GAB2: variants seen among roughly 807,000 people sequenced by gnomAD.
GAB2 encodes the protein GRB2 associated binding protein 2, also known as GRB2-associated-binding protein 2.
A neutral mutation model predicts 65.5 loss-of-function variants in GAB2; 26 were observed. The ratio of observed to expected loss-of-function variants is 0.40; its 90% CI spans 0.29 to 0.55. GAB2 has a LOEUF of 0.55. GAB2 is among the 20% of genes least tolerant of loss of function. GAB2 has a pLI of 0.53. For missense variants in GAB2, 884 were observed against 875.8 expected, an observed-to-expected ratio of 1.01 and a Z score of -0.12; for synonymous variants, 321 against 329.6, an observed-to-expected ratio of 0.97 and a Z score of 0.28.
intron 1 of GAB2, among the ~76,000 whole-genome samples, chr11:78,303,017 A>ATTCT (rs1867074969): frequency 6.6e-6 from 1 of 152,178 alleles, no homozygotes; most frequent in African/African-American, 2.4e-5. Context: ...AAAAGAAAGA[A>ATTCT]TGATGCAATG....
At chr11:78,379,260 T>C (rs1565178670) in intron 1 of GAB2, among the ~76,000 whole-genome samples, 1 of 152,238 alleles carries the variant, frequency 6.6e-6, no homozygotes, top group South Asian at 2.1e-4. Context: ...TTGTCATGAC[T>C]TCTAATCACT....
Position 78,219,968 on chromosome 11 carries a change from G to A in GAB2, c.1887+351C>T, listed in dbSNP as rs116551423. On this transcript the variant is annotated intron_variant, in intron 9 of 9. Coordinates refer to ENST00000361507, the MANE Select transcript of GAB2 (RefSeq NM_080491.3). The stretch of plus-strand genomic sequence containing the variant: ...CGACGGCAGGGCTCTGGACCCACTC[G>A]AGAGCCCAGGACCAGGAGGCAGTAT... Among the ~76,000 whole-genome samples the A allele has an allele frequency of 6.0e-3, 917 of 152,228 alleles. 5 individuals are homozygous for A. The highest frequency in any genetic ancestry group is 0.021 in the African/African-American group (862 of 41,540).
At chr11:78,249,017 C>CA (rs766303630) in intron 3 of GAB2, among the ~76,000 whole-genome samples, 24 of 152,280 alleles carry the variant, frequency 1.6e-4, no homozygotes, top group Non-Finnish European at 3.1e-4. Context: ...TCATGTTCTT[C>CA]ATGAAAATGG....
intron 1 of GAB2, among the ~76,000 whole-genome samples, chr11:78,399,859 T>A (rs973288995): frequency 6.6e-6 from 1 of 152,200 alleles, no homozygotes; most frequent in African/African-American, 2.4e-5. Flanking sequence ...TAAGAAGCAT[T>A]AGTCTAATTT....
At chr11:78,231,336 G>GTGGT (rs1554975133) in intron 3 of GAB2, among the ~76,000 whole-genome samples, 1,973 of 145,882 alleles carry the variant, frequency 0.014, 44 homozygotes, top group African/African-American at 0.049. Flanking sequence ...GCGCGTGTGT[G>GTGGT]GTGTGTGTGT....
intron 1 of GAB2, among the ~76,000 whole-genome samples, chr11:78,341,188 A>G (rs1360518829): frequency 6.6e-6 from 1 of 152,216 alleles, no homozygotes; most frequent in Non-Finnish European, 1.5e-5. Context: ...CAATAAAGGA[A>G]GCACATGCTT....
intron 1 of GAB2, among the ~76,000 whole-genome samples, chr11:78,346,715 A>ATATG (rs1856193718): frequency 2.3e-5 from 1 of 44,026 alleles, no homozygotes; most frequent in Non-Finnish European, 4.6e-5. Flanking sequence ...ATATATATAT[A>ATATG]TATATAATTT....
intron 1 of GAB2, among the ~76,000 whole-genome samples, chr11:78,352,425 G>C (rs529487219): frequency 1.3e-5 from 2 of 152,320 alleles, no homozygotes; most frequent in African/African-American, 4.8e-5. Flanking sequence ...TTCACAGCTC[G>C]GCGTGTCTGT....
In GAB2 at chr11:78,346,712, TATATATATA is replaced by T. The variant is rs1255926143; in HGVS notation, c.76-65820_76-65812del. ...ATATATATATATATATATATATATATATATATATAATTTTTTTTTTTTTTAGGAAAAGAA... is the reference window on the plus strand; with the variant it reads ...ATATATATATATATATATATATATATATTTTTTTTTTTTTTAGGAAAAGAA... On this transcript the variant is annotated intron_variant, in intron 1 of 9. Transcript: ENST00000361507. Among the ~76,000 whole-genome samples, 13 of 83,204 alleles carry T rather than the reference TATATATATA, an allele frequency of 1.6e-4. 1 individual carries two copies. Among genetic ancestry groups the T allele is most frequent in the East Asian group, 1.4e-3 (4 of 2,786 alleles). The allele number at this position is 83,204 out of a possible 152,430, so 54.6% of individuals were successfully genotyped here. A position where few individuals can be genotyped will look rare whatever the true frequency, so the allele number is the denominator to read the frequency against.
At chr11:78,235,645 G>A (rs1371029060) in intron 3 of GAB2, among the ~76,000 whole-genome samples, 2 of 152,120 alleles carry the variant, frequency 1.3e-5, no homozygotes, top group African/African-American at 4.8e-5. Context: ...TCTAGGGCAG[G>A]GGCAAAATGC....
rs114182340 is a variant in GAB2, at chr11:78,384,584, G to A, written c.75+33062C>T. Among the ~76,000 whole-genome samples, 1,494 of 152,296 alleles carry A rather than the reference G, an allele frequency of 9.8e-3. 29 individuals carry two copies. The highest frequency in any genetic ancestry group is 0.035 in the African/African-American group (1,463 of 41,554). Reference sequence around the variant, plus strand: ...AAACAGGCCCTGGTCCTGGTGGAACGCTTGCAGAGAGAACCTGGTGGAACA... The same window carrying A: ...AAACAGGCCCTGGTCCTGGTGGAACACTTGCAGAGAGAACCTGGTGGAACA... On this transcript the variant is annotated intron_variant, in intron 1 of 9. Coordinates refer to ENST00000361507, the MANE Select transcript of GAB2 (RefSeq NM_080491.3).
chr11:78,392,867 C>T (rs1373345760), intron 1 of GAB2, among the ~76,000 whole-genome samples: 2 of 152,214 alleles, frequency 1.3e-5, no homozygotes, highest in African/African-American at 2.4e-5. Context: ...TCTGACACTG[C>T]CCCACTCCAA....
At chr11:78,348,349 G>T (rs1856222982) in intron 1 of GAB2, among the ~76,000 whole-genome samples, 1 of 152,168 alleles carries the variant, frequency 6.6e-6, no homozygotes, top group South Asian at 2.1e-4. Context: ...ATCTTACAAA[G>T]AACTGGTATC....
chr11:78,402,819 C>G (rs1174099979), intron 1 of GAB2, among the ~76,000 whole-genome samples: 1 of 152,144 alleles, frequency 6.6e-6, no homozygotes, highest in Non-Finnish European at 1.5e-5. Context: ...GAACTGCATG[C>G]TTCTGCCTCA....
At chr11:78,407,670 A>AAAGAAAGAAAGT (rs1857067804) in intron 1 of GAB2, among the ~76,000 whole-genome samples, 4 of 141,276 alleles carry the variant, frequency 2.8e-5, no homozygotes, top group African/African-American at 1.2e-4. Flanking sequence ...AGAAAGAAAG[A>AAAGAAAGAAAGT]AAGAAAGAAA....
chr11:78,281,505 A>T (rs190619665), intron 1 of GAB2, among the ~76,000 whole-genome samples: 14 of 152,066 alleles, frequency 9.2e-5, no homozygotes, highest in African/African-American at 3.4e-4. Context: ...TCGGCCTCCC[A>T]AAAGTGCTGG....
intron 1 of GAB2, among the ~76,000 whole-genome samples, chr11:78,359,314 A>G (rs1460323036): frequency 6.6e-6 from 1 of 152,224 alleles, no homozygotes; most frequent in Non-Finnish European, 1.5e-5. Flanking sequence ...TACCAAAGAC[A>G]AAAAAGAAGA....
At chr11:78,378,241 C>G (rs942432062) in intron 1 of GAB2, among the ~76,000 whole-genome samples, 1 of 152,110 alleles carries the variant, frequency 6.6e-6, no homozygotes, top group Non-Finnish European at 1.5e-5. Flanking sequence ...GACAGCTTGC[C>G]TACAGGAAAA....
intron 3 of GAB2, among the ~76,000 whole-genome samples, chr11:78,241,164 C>G (rs1338271009): frequency 6.6e-6 from 1 of 152,198 alleles, no homozygotes; most frequent in Non-Finnish European, 1.5e-5. Flanking sequence ...CTTCTATAGT[C>G]TAGGCCACTG....
Sources: gnomAD v4.1 joint callset for allele counts (sites outside exome capture counted in the v4.1 genomes callset) on GRCh38, gnomAD v4.1.1 for gene constraint, MANE v1.5 for transcripts, NCBI Gene and HGNC (gene_info 2026-07-23, HGNC 2026-07-21) for gene names.